OSBPL1A: variants seen among roughly 807,000 people sequenced by gnomAD.
OSBPL1A encodes the protein oxysterol-binding protein-related protein 1.
OSBPL1A carries 80 observed loss-of-function variants against 137.1 expected under a neutral mutation model. That is an observed-to-expected ratio of 0.58 (90% CI 0.49 to 0.70). The LOEUF (loss-of-function observed/expected upper bound fraction) is 0.70, where lower values mean the gene tolerates loss of function less well. Among genes scored for constraint, OSBPL1A ranks in the 30% least tolerant of loss-of-function variants. The pLI, the probability that OSBPL1A is intolerant of heterozygous loss-of-function variation, is 0.00. For missense variants in OSBPL1A, 970 were observed against 1,129.4 expected, an observed-to-expected ratio of 0.86 and a Z score of 2.02; for synonymous variants, 365 against 389.7, an observed-to-expected ratio of 0.94 and a Z score of 0.75.
chr18:24,388,377 T>C (rs552991801), intron 1 of OSBPL1A, among the ~76,000 whole-genome samples: 86 of 152,314 alleles, frequency 5.6e-4, no homozygotes, highest in African/African-American at 2.1e-3. Flanking sequence ...GACTTAGTCC[T>C]TTGAAAACAA....
At chr18:24,348,394 C>T (rs537673418) in intron 4 of OSBPL1A, among the ~76,000 whole-genome samples, 9 of 152,040 alleles carry the variant, frequency 5.9e-5, no homozygotes, top group Non-Finnish European at 8.8e-5. Context: ...AAAAATCATA[C>T]GAGGAAGGTA....
At chr18:24,387,406 G>A (rs376928684) in intron 1 of OSBPL1A, among the ~76,000 whole-genome samples, 4 of 152,004 alleles carry the variant, frequency 2.6e-5, no homozygotes, top group South Asian at 4.2e-4. Context: ...TAACACCCAG[G>A]CACAATAGCA....
intron 4 of OSBPL1A, 98 bp from the exon 5 acceptor site, chr18:24,341,756 G>C: frequency 1.5e-6 from 1 of 679,690 alleles, no homozygotes; most frequent in Non-Finnish European, 2.4e-6. Context: ...CTCCACAATA[G>C]AAAAAAGCAC....
At chr18:24,367,001 A>G in intron 3 of OSBPL1A, 35 bp from the exon 4 acceptor site, 1 of 1,538,130 alleles carries the variant, frequency 6.5e-7, no homozygotes, top group South Asian at 1.2e-5. Context: ...ACCAAGAAAT[A>G]TACAATGGTG....
intron 7 of OSBPL1A, among the ~76,000 whole-genome samples, chr18:24,330,587 C>A (rs1338210232): frequency 1.3e-5 from 2 of 151,066 alleles, no homozygotes; most frequent in Non-Finnish European, 2.9e-5. Context: ...CAGGTTCAAG[C>A]GATTCTCCTG....
chr18:24,265,152 T>C (rs1599586240), intron 15 of OSBPL1A, among the ~76,000 whole-genome samples: 2 of 152,146 alleles, frequency 1.3e-5, no homozygotes, highest in Admixed American at 1.3e-4. Context: ...CACAAATAAA[T>C]AAAATATTCA....
chr18:24,289,701 T>G (rs1015649568), intron 14 of OSBPL1A, among the ~76,000 whole-genome samples: 1 of 152,164 alleles, frequency 6.6e-6, no homozygotes, highest in Non-Finnish European at 1.5e-5. Flanking sequence ...ATTACAGGCA[T>G]GAGCCACCAT....
At chr18:24,165,989 CAG>C (rs998576098) in intron 26 of OSBPL1A, among the ~76,000 whole-genome samples, 1 of 152,080 alleles carries the variant, frequency 6.6e-6, no homozygotes, top group African/African-American at 2.4e-5. Context: ...CCCAGTTACT[CAG>C]GAGACTGAGG....
In OSBPL1A at chr18:24,314,166, T is replaced by C. The variant is rs942930675; in HGVS notation, c.969+83A>G. 7 of 821,868 alleles carry C rather than the reference T, an allele frequency of 8.5e-6. No individual in the cohort carries two copies. In the African/African-American group the frequency reaches 8.7e-5, roughly 10 times the overall value. The allele number at this position is 821,868 out of a possible 1,614,324, so 50.9% of individuals were successfully genotyped here. On this transcript the variant is annotated intron_variant, in intron 12 of 27. Transcript: ENST00000319481. ...AGTACAATCAACAAGATGTTGGATG[T>C]TACCACTGAACCTATGTTATATTCT...
Position 24,318,775 on chromosome 18 carries a change from T to A in OSBPL1A, c.660A>T (p.Glu220Asp). 1.2e-6 allele frequency: 2 copies of A among 1,613,522 alleles called. No individual in the cohort carries two copies. The highest frequency in any genetic ancestry group is 1.7e-6 in the Non-Finnish European group (2 of 1,179,966). ...QKPLDLAQGAEMKHILVGNKV... is the reference protein window; with the variant it reads ...QKPLDLAQGADMKHILVGNKV... ...TATTACCAACAAGAATGTGTTTCAT[T>A]TCAGCACCCTGGGCAAGGTCAAGAG... Residue 220 changes from glutamate to aspartate, a missense_variant, in exon 8 of 28, where the codon GAA becomes GAT. By Grantham distance (45) the Glu-to-Asp change is conservative (BLOSUM62 2). Around this residue, in one of 2 missense-constraint regions of OSBPL1A, gnomAD observed 647 missense variants for 672.6 expected, o/e 0.96. Transcript: ENST00000319481.
chr18:24,356,550 T>C (rs575545570), intron 4 of OSBPL1A, among the ~76,000 whole-genome samples: 1 of 152,268 alleles, frequency 6.6e-6, no homozygotes, highest in African/African-American at 2.4e-5. Context: ...CGGGTGCTGG[T>C]TGGGTCCAGA....
intron 17 of OSBPL1A, among the ~76,000 whole-genome samples, chr18:24,200,722 C>G (rs1046060738): frequency 6.6e-6 from 1 of 151,896 alleles, no homozygotes; most frequent in Admixed American, 6.6e-5. Context: ...TCAAGAATAG[C>G]GTGGGGAACA....
intron 14 of OSBPL1A, among the ~76,000 whole-genome samples, chr18:24,290,884 A>AAGAAG: frequency 6.6e-6 from 1 of 152,188 alleles, no homozygotes; most frequent in South Asian, 2.1e-4. Flanking sequence ...GAAGAAGGAC[A>AAGAAG]CTTTCTTGCC....
At position 24,163,733 on chromosome 18, in the gene OSBPL1A, T is replaced by C. The variant is rs547090226; in HGVS notation, c.2751-452A>G. 1.6e-3 allele frequency among the ~76,000 whole-genome samples: 236 copies of C among 144,174 alleles called. 1 individual carries two copies. The highest frequency in any genetic ancestry group is 5.6e-3 in the African/African-American group (222 of 39,706). 94.6% of individuals were successfully genotyped at this position (144,174 alleles called of 152,430 possible). A position where few individuals can be genotyped will look rare whatever the true frequency, so the allele number is the denominator to read the frequency against. On this transcript the variant is annotated intron_variant, in intron 27 of 27. Coordinates refer to ENST00000319481, the MANE Select transcript of OSBPL1A (RefSeq NM_080597.4). ...TCAGTGTAAATGCCCTTCAAACTCC[T>C]TTTTTTTTTTTTCTTTGAGAAGCAG...
rs147149644 is a variant in OSBPL1A at position 24,227,666 on chromosome 18, C to T, written c.1445-2468G>A. Among the ~76,000 whole-genome samples, 38 of 152,116 alleles carry T rather than the reference C, an allele frequency of 2.5e-4. No individual in the cohort carries two copies. The East Asian group carries it at 6.6e-3, about 26-fold the overall frequency. On this transcript the variant is annotated intron_variant, in intron 16 of 27. Transcript: ENST00000319481. ...AAATTTTGAAACAGTGGAATTGGTGCTCGGGCGGAGGTGAGAGAGGTGCTC... is the reference window on the plus strand; with the variant it reads ...AAATTTTGAAACAGTGGAATTGGTGTTCGGGCGGAGGTGAGAGAGGTGCTC...
At chr18:24,229,334 G>A (rs930684643) in intron 16 of OSBPL1A, among the ~76,000 whole-genome samples, 2 of 152,186 alleles carry the variant, frequency 1.3e-5, no homozygotes, top group African/African-American at 4.8e-5. Flanking sequence ...AGTTTCAAAG[G>A]CAAAGAAGTA....
intron 12 of OSBPL1A, among the ~76,000 whole-genome samples, chr18:24,314,026 G>A (rs2090673481): frequency 6.6e-6 from 1 of 152,084 alleles, no homozygotes; most frequent in East Asian, 1.9e-4. Flanking sequence ...AATCGCCTGA[G>A]CCTGGGAGGC....
intron 7 of OSBPL1A, among the ~76,000 whole-genome samples, chr18:24,329,138 G>A (rs921514785): frequency 6.6e-6 from 1 of 152,164 alleles, no homozygotes. Context: ...TCCCAGCTAC[G>A]TAGGAGGCTG....
chr18:24,168,835 A>G (rs981530784), intron 24 of OSBPL1A, among the ~76,000 whole-genome samples: 1 of 151,560 alleles, frequency 6.6e-6, no homozygotes, highest in South Asian at 2.1e-4. Context: ...CTCCAATGGG[A>G]AAAAAAAATA....
Sources: gnomAD v4.1 joint callset for allele counts (sites outside exome capture counted in the v4.1 genomes callset) on GRCh38, gnomAD v4.1.1 for gene constraint, gnomAD v4.1.1 regional missense constraint, MANE v1.5 for transcripts, NCBI Gene and HGNC (gene_info 2026-07-23, HGNC 2026-07-21) for gene names.